TRPC5: variants seen among roughly 807,000 people sequenced by gnomAD.
TRPC5 encodes short transient receptor potential channel 5.
TRPC5 carries 9 observed loss-of-function variants against 56.5 expected under a neutral mutation model. The observed-to-expected ratio is 0.16, with a 90% CI of 0.10 to 0.28. TRPC5 has a LOEUF of 0.28. Ranked by LOEUF, TRPC5 falls within the 10% of genes least tolerant of loss-of-function variation. The pLI is 1.00. For synonymous variants in TRPC5, 282 were observed against 278.5 expected, an observed-to-expected ratio of 1.01 and a Z score of -0.13; for missense variants, 469 against 748.9, an observed-to-expected ratio of 0.63 and a Z score of 4.36.
At position 112,013,036 on chromosome X, in the gene TRPC5, T is replaced by C. The variant is rs113759417; in HGVS notation, c.-21-60595A>G. Among the ~76,000 whole-genome samples the C allele has an allele frequency of 6.2e-3, 701 of 112,550 alleles. 4 individuals carry two copies. The highest frequency in any genetic ancestry group is 0.021 in the African/African-American group (657 of 31,012). On this transcript the variant is annotated intron_variant, in intron 1 of 10. Coordinates refer to ENST00000262839, the MANE Select transcript of TRPC5 (RefSeq NM_012471.3). Reference sequence around the variant, plus strand: ...GGAAATTGATCCTGTATATAAAATGTATCTTGAGGCTTCAGTACATTTTGT... The same window carrying C: ...GGAAATTGATCCTGTATATAAAATGCATCTTGAGGCTTCAGTACATTTTGT...
chrX:111,962,042 C>T (rs1927396813), intron 1 of TRPC5, among the ~76,000 whole-genome samples: 1 of 108,611 alleles, frequency 9.2e-6, no homozygotes, highest in South Asian at 3.9e-4. Context: ...AGTGGACACA[C>T]ATGAACATAA....
intron 1 of TRPC5, among the ~76,000 whole-genome samples, chrX:112,057,864 G>T (rs1930375590): frequency 8.9e-6 from 1 of 111,764 alleles, no homozygotes; most frequent in Admixed American, 9.5e-5. Flanking sequence ...AGATCCAGTG[G>T]GTTTGGGTGA....
intron 7 of TRPC5, among the ~76,000 whole-genome samples, chrX:111,792,572 T>A (rs1946031219): frequency 8.9e-6 from 1 of 111,964 alleles, no homozygotes; most frequent in Admixed American, 9.4e-5. Context: ...GGGAGAGGAA[T>A]CCATGGTGTG....
At chrX:111,847,788 A>C (rs1922974187) in intron 5 of TRPC5, among the ~76,000 whole-genome samples, 2 of 111,968 alleles carry the variant, frequency 1.8e-5, no homozygotes, top group South Asian at 7.5e-4. Context: ...CAGAGGCACT[A>C]GTATGCCCAA....
intron 1 of TRPC5, among the ~76,000 whole-genome samples, chrX:111,963,748 G>C (rs184155649): frequency 8.6e-4 from 97 of 112,150 alleles, no homozygotes; most frequent in African/African-American, 2.8e-3. Context: ...CTCCAACAGA[G>C]CTGCAGCTGA....
intron 1 of TRPC5, among the ~76,000 whole-genome samples, chrX:112,025,629 G>A (rs57869346): frequency 0.019 from 2,140 of 111,116 alleles, 43 homozygotes; most frequent in African/African-American, 0.065. Flanking sequence ...CACAAATTCC[G>A]CATCTCATTA....
At chrX:111,951,127 G>A (rs931400455) in intron 2 of TRPC5, among the ~76,000 whole-genome samples, 4 of 111,985 alleles carry the variant, frequency 3.6e-5, no homozygotes, top group African/African-American at 1.3e-4. Flanking sequence ...AGAGCTTTAT[G>A]TTAATCTAGG....
rs761618038 is a variant in TRPC5, at chrX:111,888,401, G to A, written c.900+23890C>T. On this transcript the variant is annotated intron_variant, in intron 3 of 10. Transcript: ENST00000262839. Reference sequence around the variant, plus strand: ...GTTGAAAAAGAGACTGTAGCTGGGCGCGGTGGCTCATGCCTGTAATCCCAG... The same window carrying A: ...GTTGAAAAAGAGACTGTAGCTGGGCACGGTGGCTCATGCCTGTAATCCCAG... Among the ~76,000 whole-genome samples the A allele has an allele frequency of 5.9e-4, 64 of 108,252 alleles. No individual in the cohort carries two copies. In the Middle Eastern group the frequency reaches 0.014, roughly 24 times the overall value. The allele number at this position is 108,252 out of a possible 115,157, so 94.0% of individuals were successfully genotyped here.
At chrX:111,888,430 T>C (rs187861594) in intron 3 of TRPC5, among the ~76,000 whole-genome samples, 31 of 106,425 alleles carry the variant, frequency 2.9e-4, no homozygotes, top group African/African-American at 1.0e-3. Flanking sequence ...ATCCCAGAAC[T>C]TTGGGAGGCC....
At chrX:111,825,133 TCC>T (rs1436590300) in intron 7 of TRPC5, among the ~76,000 whole-genome samples, 9 of 75,750 alleles carry the variant, frequency 1.2e-4, no homozygotes, top group Non-Finnish European at 1.8e-4. Flanking sequence ...TTCTTTTCCT[TCC>T]TTCCTTCCTT....
intron 1 of TRPC5, among the ~76,000 whole-genome samples, chrX:112,003,323 A>G (rs1183237831): frequency 9.0e-6 from 1 of 111,580 alleles, no homozygotes; most frequent in Non-Finnish European, 1.9e-5. Context: ...TATGGCCTCC[A>G]TGAAGCAATA....
At chrX:111,930,277 G>A (rs1191418415) in intron 2 of TRPC5, among the ~76,000 whole-genome samples, 2 of 110,808 alleles carry the variant, frequency 1.8e-5, no homozygotes, top group African/African-American at 3.3e-5. Flanking sequence ...AAGAAACCCC[G>A]TCTCTACTTA....
intron 3 of TRPC5, among the ~76,000 whole-genome samples, chrX:111,893,894 C>T (rs1170410245): frequency 9.0e-6 from 1 of 111,612 alleles, no homozygotes; most frequent in Non-Finnish European, 1.9e-5. Flanking sequence ...ATTGTATTCC[C>T]ATAGAGATGC....
At chrX:112,006,601 A>C (rs756279898) in intron 1 of TRPC5, among the ~76,000 whole-genome samples, 21 of 111,245 alleles carry the variant, frequency 1.9e-4, no homozygotes, top group African/African-American at 5.9e-4. Context: ...GCTGTTAATC[A>C]TTCTGCTGAA....
intron 2 of TRPC5, among the ~76,000 whole-genome samples, chrX:111,941,357 G>T (rs977102824): frequency 5.4e-5 from 6 of 112,003 alleles, no homozygotes; most frequent in Middle Eastern, 4.6e-3. Context: ...TTGGTCGGGT[G>T]CTTTGGCTTT....
chrX:111,872,972 A>G (rs142284492), intron 3 of TRPC5, among the ~76,000 whole-genome samples: 1 of 112,530 alleles, frequency 8.9e-6, no homozygotes, highest in Non-Finnish European at 1.9e-5. Context: ...AACATAAAAT[A>G]GAGCTACCAT....
chrX:112,074,820 G>C (rs940494864), intron 1 of TRPC5, among the ~76,000 whole-genome samples: 1 of 112,345 alleles, frequency 8.9e-6, no homozygotes, highest in Non-Finnish European at 1.9e-5. Context: ...TTCGCCAAGT[G>C]ATTGATATTA....
chrX:112,076,261 CTG>C (rs149874831), intron 1 of TRPC5, among the ~76,000 whole-genome samples: 9,365 of 111,022 alleles, frequency 0.084, 426 homozygotes, highest in Non-Finnish European at 0.13. Flanking sequence ...GTGGTAGTGT[CTG>C]TCTCTGTGTC....
chrX:111,811,016 T>TG (rs1444039793), intron 7 of TRPC5, among the ~76,000 whole-genome samples: 1 of 112,015 alleles, frequency 8.9e-6, no homozygotes, highest in Non-Finnish European at 1.9e-5. Flanking sequence ...TAAAATTTTG[T>TG]GGGGATGTGG....
Sources: allele counts gnomAD v4.1 joint callset (sites outside exome capture counted in the v4.1 genomes callset), GRCh38; gene constraint gnomAD v4.1.1; transcripts MANE v1.5; gene names NCBI Gene and HGNC (gene_info 2026-07-23, HGNC 2026-07-21).